The following C3orf70 variants were observed in gnomAD, a reference collection of about 807,000 sequenced individuals.
C3orf70 encodes the protein chromosome 3 open reading frame 70.
C3orf70 carries 15 observed loss-of-function variants against 20.7 expected under a neutral mutation model. The ratio of observed to expected loss-of-function variants is 0.72; its 90% CI spans 0.48 to 1.11. The LOEUF is 1.11. Ranked by LOEUF, C3orf70 falls within the 50% of genes most tolerant of loss-of-function variation. The probability of loss-of-function intolerance (pLI) is 0.00; values close to 1 mark genes in which losing one functional copy is unlikely to be tolerated. For missense variants in C3orf70, 332 were observed against 317.6 expected, an observed-to-expected ratio of 1.05 and a Z score of -0.34; for synonymous variants, 161 against 125.7, an observed-to-expected ratio of 1.28 and a Z score of -1.88.
chr3:185,142,378 C>T (rs994544241), intron 1 of C3orf70, among the ~76,000 whole-genome samples: 2 of 152,058 alleles, frequency 1.3e-5, no homozygotes, highest in African/African-American at 2.4e-5. Context: ...GACTGCTTGA[C>T]CCTAGGAAGG....
intron 1 of C3orf70, among the ~76,000 whole-genome samples, chr3:185,120,165 T>C (rs1386442903): frequency 6.6e-6 from 1 of 152,190 alleles, no homozygotes; most frequent in Non-Finnish European, 1.5e-5. Flanking sequence ...TATAAATACA[T>C]TTCTGTCTAA....
chr3:185,120,224 C>A (rs1716269881), intron 1 of C3orf70, among the ~76,000 whole-genome samples: 1 of 151,920 alleles, frequency 6.6e-6, no homozygotes, highest in Non-Finnish European at 1.5e-5. Context: ...TAGAAAGAAG[C>A]AAATTTTGAA....
At chr3:185,137,779 C>T (rs914445534) in intron 1 of C3orf70, among the ~76,000 whole-genome samples, 4 of 152,076 alleles carry the variant, frequency 2.6e-5, no homozygotes, top group Non-Finnish European at 5.9e-5. Flanking sequence ...GTAACAAATG[C>T]ATATATTAGA....
intron 1 of C3orf70, among the ~76,000 whole-genome samples, chr3:185,086,517 C>T (rs1715461745): frequency 6.6e-6 from 1 of 152,172 alleles, no homozygotes; most frequent in South Asian, 2.1e-4. Context: ...GGTACAGCAT[C>T]TGCAAACCAG....
chr3:185,119,761 C>T (rs1348288751), intron 1 of C3orf70, among the ~76,000 whole-genome samples: 1 of 151,778 alleles, frequency 6.6e-6, no homozygotes, highest in Non-Finnish European at 1.5e-5. Flanking sequence ...TGCGGTGGCT[C>T]ACGCCTGTAA....
chr3:185,105,342 C>T (rs544551220), intron 1 of C3orf70, among the ~76,000 whole-genome samples: 1 of 152,236 alleles, frequency 6.6e-6, no homozygotes, highest in Non-Finnish European at 1.5e-5. Context: ...GGAATGAGGG[C>T]AAGGAACACC....
Position 185,083,357 on chromosome 3 carries a change from G to C in C3orf70, c.403C>G (p.Gln135Glu). 6.2e-7 allele frequency: 1 copy of C among 1,614,146 alleles called. No homozygotes were observed. The highest frequency in any genetic ancestry group is 8.5e-7 in the Non-Finnish European group (1 of 1,179,994). The change falls in exon 2 of 2, where the codon CAG becomes GAG. Residue 135 changes from glutamine (Q) to glutamate (E), a missense_variant. Gln to Glu is a conservative substitution (Grantham distance 29, BLOSUM62 2). Coordinates refer to ENST00000335012, the MANE Select transcript of C3orf70 (RefSeq NM_001025266.3). ...MISDLFIDNY[Q>E]VKCINGKMCY... Reference sequence around the variant, plus strand: ...ATCTTCCCATTAATACATTTAACCTGATAGTTGTCAATAAAAAGGTCTGAA... The same window carrying C: ...ATCTTCCCATTAATACATTTAACCTCATAGTTGTCAATAAAAAGGTCTGAA...
intron 1 of C3orf70, among the ~76,000 whole-genome samples, chr3:185,127,568 T>C (rs1337172798): frequency 2.0e-5 from 3 of 152,134 alleles, no homozygotes; most frequent in Non-Finnish European, 4.4e-5. Flanking sequence ...GCCTCCTAAG[T>C]AGCTGGGATT....
At chr3:185,140,722 A>G (rs2108605870) in intron 1 of C3orf70, among the ~76,000 whole-genome samples, 1 of 149,498 alleles carries the variant, frequency 6.7e-6, no homozygotes, top group African/African-American at 2.4e-5. Context: ...GCCCAGGCGG[A>G]TGGATCACTT....
intron 1 of C3orf70, among the ~76,000 whole-genome samples, chr3:185,083,765 C>T (rs548205120): frequency 2.0e-5 from 3 of 152,166 alleles, no homozygotes; most frequent in African/African-American, 2.4e-5. Flanking sequence ...AAGACTCAAT[C>T]GACTTTCTAA....
At chr3:185,152,585 C>A in intron 1 of C3orf70, 43 bp downstream of exon 1, 2 of 1,507,946 alleles carry the variant, frequency 1.3e-6, no homozygotes, top group Non-Finnish European at 1.8e-6. Flanking sequence ...GGCGGGCGTC[C>A]CCCGGACCGC....
chr3:185,146,782 TG>T (rs1162017471), intron 1 of C3orf70, among the ~76,000 whole-genome samples: 1 of 152,232 alleles, frequency 6.6e-6, no homozygotes, highest in Non-Finnish European at 1.5e-5. Context: ...AACCTGATTT[TG>T]TGAGTTTTCC....
intron 1 of C3orf70, among the ~76,000 whole-genome samples, chr3:185,115,150 A>G (rs1264028266): frequency 6.6e-6 from 1 of 152,170 alleles, no homozygotes; most frequent in Non-Finnish European, 1.5e-5. Flanking sequence ...ACTCTGGCAT[A>G]TATTTTTTTA....
intron 1 of C3orf70, among the ~76,000 whole-genome samples, chr3:185,106,515 A>C (rs1018117828): frequency 6.6e-6 from 1 of 152,372 alleles, no homozygotes. Flanking sequence ...AGCCTGAAAT[A>C]TGTCCAAAAT....
intron 1 of C3orf70, among the ~76,000 whole-genome samples, chr3:185,141,357 T>TA (rs201944333): frequency 0.17 from 24,514 of 145,462 alleles, 2,647 homozygotes; most frequent in East Asian, 0.43. Context: ...GGCAGTTTCT[T>TA]AAAAAAAAAA....
chr3:185,095,986 C>T (rs193184616), intron 1 of C3orf70, among the ~76,000 whole-genome samples: 50 of 152,166 alleles, frequency 3.3e-4, no homozygotes, highest in Admixed American at 2.0e-3. Flanking sequence ...CCTCCTGCCT[C>T]GGCCTCCCAA....
Position 185,080,845 on chromosome 3 carries a change from C to T in C3orf70, c.*2162G>A, listed in dbSNP as rs1438176436. 2.0e-5 allele frequency: 3 copies of T among 152,202 alleles called. No homozygotes were observed. The highest frequency in any genetic ancestry group is 2.9e-5 in the Non-Finnish European group (2 of 68,062). The allele number at this position is 152,202 out of a possible 1,614,324, so 9.4% of individuals were successfully genotyped here. ...TGGGCCTTTCCTAGAGCTCCTCTGA[C>T]CCCCTTCTCGGTTTGTCTTGTTGAA... On this transcript the variant is annotated 3_prime_UTR_variant, in exon 2 of 2. Transcript: ENST00000335012.
chr3:185,125,544 G>T (rs1716393769), intron 1 of C3orf70, among the ~76,000 whole-genome samples: 1 of 152,146 alleles, frequency 6.6e-6, no homozygotes, highest in Non-Finnish European at 1.5e-5. Context: ...CACAAAAAAT[G>T]CATGCAAATA....
chr3:185,109,598 T>G (rs1302753239), intron 1 of C3orf70, among the ~76,000 whole-genome samples: 2 of 152,132 alleles, frequency 1.3e-5, no homozygotes, highest in East Asian at 3.9e-4. Flanking sequence ...GGACAGTCAG[T>G]CACAATGAAT....
Sources: gnomAD v4.1 joint callset for allele counts (sites outside exome capture counted in the v4.1 genomes callset) on GRCh38, gnomAD v4.1.1 for gene constraint, MANE v1.5 for transcripts, NCBI Gene and HGNC (gene_info 2026-07-23, HGNC 2026-07-21) for gene names.